The following SYTL2 variants were observed in gnomAD, a reference collection of about 807,000 sequenced individuals.
SYTL2 encodes the protein synaptotagmin like 2, also known as synaptotagmin-like protein 2.
SYTL2 carries 165 observed loss-of-function variants against 198.7 expected under a neutral mutation model. The ratio of observed to expected loss-of-function variants is 0.83; its 90% CI spans 0.73 to 0.94. The LOEUF is 0.94. Ranked by LOEUF, SYTL2 falls within the 40% of genes least tolerant of loss-of-function variation. SYTL2 has a pLI of 0.00. For missense variants in SYTL2, 2,835 were observed against 2,582.8 expected (o/e 1.10, Z -2.12); for synonymous variants, 966 against 917.7 (o/e 1.05, Z -0.95).
chr11:85,845,691 G>A, the SYTL2 span, among the ~76,000 whole-genome samples: 25 of 152,250 alleles, frequency 1.6e-4, no homozygotes, highest in African/African-American at 5.3e-4. Context: ...GGCGGATCAC[G>A]AGGTCAGGAG....
intron 10 of SYTL2, 32 bp downstream of exon 10, chr11:85,718,758 A>G: frequency 6.2e-7 from 1 of 1,606,218 alleles, no homozygotes; most frequent in Non-Finnish European, 8.5e-7. Context: ...GTTAATACAA[A>G]GACAGACACG....
chr11:85,730,695 G>A (rs1254261550), intron 7 of SYTL2, among the ~76,000 whole-genome samples: 2 of 152,116 alleles, frequency 1.3e-5, no homozygotes, highest in East Asian at 3.9e-4. Context: ...AGACAAGGAT[G>A]CCCTCTCTCA....
At chr11:85,794,187 T>C (rs1310175822) in intron 1 of SYTL2, among the ~76,000 whole-genome samples, 1 of 151,724 alleles carries the variant, frequency 6.6e-6, no homozygotes, top group Non-Finnish European at 1.5e-5. Context: ...AATTTTTTTT[T>C]CTTTTTTTAG....
At chr11:85,778,288 C>A (rs1431637194) in intron 1 of SYTL2, among the ~76,000 whole-genome samples, 5 of 152,160 alleles carry the variant, frequency 3.3e-5, no homozygotes, top group African/African-American at 1.2e-4. Context: ...TACCCCATCC[C>A]CTCACCCCCC....
chr11:85,748,273 T>C lies in SYTL2; in HGVS notation c.252A>G (p.Ala84=), dbSNP rs776884745. The C allele has an allele frequency of 4.3e-6, 7 of 1,612,198 alleles. No individual in the cohort carries two copies. Among genetic ancestry groups the C allele is most frequent in the Non-Finnish European group, 5.9e-6 (7 of 1,178,766 alleles). ...AATGCACTAGCCAAGTCAACTCACC[T>C]GCTATCTGGGGCCTCTTCTTTCTCA... ...ASMRKKRPQI[A]AEQSKDRENG... The change falls in exon 3 of 20, where the codon GCA becomes GCG. Residue 84 remains alanine, a splice_region_variant and synonymous_variant. Transcript: ENST00000359152.
chr11:85,728,071 C>T (rs867824605), intron 7 of SYTL2, 104 bp from the exon 8 acceptor site: 2 of 980,472 alleles, frequency 2.0e-6, no homozygotes, highest in Admixed American at 3.1e-5. Context: ...TTTGCACTTT[C>T]TATACCAATA....
At chr11:85,737,907 T>C (rs940968184) in intron 4 of SYTL2, among the ~76,000 whole-genome samples, 1 of 152,082 alleles carries the variant, frequency 6.6e-6, no homozygotes, top group African/African-American at 2.4e-5. Flanking sequence ...GACTGTTGAT[T>C]GAGAAGGGCA....
chr11:85,781,313 A>G (rs572705508), intron 1 of SYTL2, among the ~76,000 whole-genome samples: 1 of 152,266 alleles, frequency 6.6e-6, no homozygotes, highest in East Asian at 1.9e-4. Flanking sequence ...TCACTAGAAC[A>G]GCGGCATGGG....
At position 85,728,461 on chromosome 11, in the gene SYTL2, A is replaced by T. The variant is rs926134845; in HGVS notation, c.1391-494T>A. 2.5e-3 allele frequency among the ~76,000 whole-genome samples: 376 copies of T among 152,004 alleles called. 1 individual carries two copies. Among genetic ancestry groups the T allele is most frequent in the African/African-American group, 8.6e-3 (358 of 41,458 alleles). On this transcript the variant is annotated intron_variant, in intron 7 of 19. Coordinates refer to ENST00000359152, the MANE Select transcript of SYTL2 (RefSeq NM_206927.4). The stretch of plus-strand genomic sequence containing the variant: ...ACCACCACGCTCAGCTAATTTTTGT[A>T]TTTTTAGTAGAGACGGGGTTTCACC...
intron 12 of SYTL2, among the ~76,000 whole-genome samples, chr11:85,713,618 T>C (rs992207714): frequency 1.3e-4 from 20 of 152,212 alleles, no homozygotes; most frequent in African/African-American, 4.6e-4. Flanking sequence ...TCAGTAGCTA[T>C]TGGATTTGGG....
rs778754109 is a variant in SYTL2, at chr11:85,734,502, C to G, written c.827G>C (p.Arg276Pro). The change falls in exon 7 of 20, where the codon CGC (arginine) becomes CCC (proline). Residue 276 changes from arginine to proline, a missense_variant. Physicochemically the swap from Arg to Pro is moderately radical, Grantham distance 103. This residue lies in a region of SYTL2 where 2,645 missense variants were observed against 2,381.7 expected (regional missense o/e 1.11). Transcript: ENST00000359152. ...GTCTGTGCTACTGGAACTGGAGTTG[C>G]GCTTGAGGATCCCTCTCGGAGCCCC... is the stretch of plus-strand genomic sequence containing the variant. ...ARGAPRGILK[R>P]NSSSSSTDSE... 1.9e-6 allele frequency: 3 copies of G among 1,614,168 alleles called. No homozygotes were observed. The highest frequency in any genetic ancestry group is 2.5e-6 in the Non-Finnish European group (3 of 1,180,014).
intron 14 of SYTL2, chr11:85,708,052 A>G (rs1406951997): frequency 1.8e-5 from 7 of 388,484 alleles, no homozygotes; most frequent in Non-Finnish European, 2.0e-5. Context: ...AATTCCAGCT[A>G]GTCAGGAGGC....
At chr11:85,701,480 C>A (rs1280564566) in intron 16 of SYTL2, among the ~76,000 whole-genome samples, 2 of 152,112 alleles carry the variant, frequency 1.3e-5, no homozygotes, top group African/African-American at 4.8e-5. Flanking sequence ...TATAAGAAAC[C>A]TGCATAAGAT....
the SYTL2 span, among the ~76,000 whole-genome samples, chr11:85,823,655 G>A: frequency 1.3e-5 from 2 of 152,084 alleles, no homozygotes; most frequent in African/African-American, 4.8e-5. Flanking sequence ...GGGTTGAAAG[G>A]AATTTTCCAT....
At chr11:85,718,646 T>A (rs997408041) in intron 10 of SYTL2, 144 bp downstream of exon 10, 2 of 668,426 alleles carry the variant, frequency 3.0e-6, no homozygotes, top group Non-Finnish European at 5.1e-6. Context: ...AAATCAGAAC[T>A]GTTTTATAGT....
At chr11:85,824,538 T>C in the SYTL2 span, among the ~76,000 whole-genome samples, 1 of 152,200 alleles carries the variant, frequency 6.6e-6, no homozygotes, top group South Asian at 2.1e-4. Flanking sequence ...GTAGAATGGT[T>C]TGTATTGAGT....
chr11:85,814,832 C>A (rs1420421833), upstream of SYTL2, among the ~76,000 whole-genome samples: 1 of 152,170 alleles, frequency 6.6e-6, no homozygotes, highest in Admixed American at 6.5e-5. Flanking sequence ...CCCAAGGAAT[C>A]CTTCTTATGC....
the SYTL2 span, among the ~76,000 whole-genome samples, chr11:85,816,624 G>T: frequency 1.3e-5 from 2 of 152,272 alleles, no homozygotes; most frequent in Admixed American, 1.3e-4. Flanking sequence ...TAAATGGTTA[G>T]AATGGCTGGG....
intron 2 of SYTL2, among the ~76,000 whole-genome samples, chr11:85,754,516 T>C (rs1441052015): frequency 2.0e-5 from 3 of 152,172 alleles, no homozygotes; most frequent in Admixed American, 2.0e-4. Flanking sequence ...TTAATTTAAT[T>C]GACAAATAAT....
Sources: allele counts gnomAD v4.1 joint callset (sites outside exome capture counted in the v4.1 genomes callset), GRCh38; gene constraint gnomAD v4.1.1; regional missense constraint gnomAD v4.1.1; transcripts MANE v1.5; gene names NCBI Gene and HGNC (gene_info 2026-07-23, HGNC 2026-07-21).